ICE2: variants seen among roughly 807,000 people sequenced by gnomAD.
ICE2 encodes interactor of little elongation complex ELL subunit 2.
Under a neutral mutation model 105.4 loss-of-function variants are expected in ICE2, and 87 were observed. That is an observed-to-expected ratio of 0.83 (90% CI 0.69 to 0.99). The LOEUF (loss-of-function observed/expected upper bound fraction) is 0.99, where lower values mean the gene tolerates loss of function less well. Ranked by LOEUF, ICE2 falls within the 50% of genes least tolerant of loss-of-function variation. ICE2 has a pLI of 0.00. For missense variants in ICE2, 1,323 were observed against 1,146.7 expected, an observed-to-expected ratio of 1.15 and a Z score of -2.22; for synonymous variants, 399 against 392.0, an observed-to-expected ratio of 1.02 and a Z score of -0.21.
At chr15:60,462,773 T>C (rs974241825) in intron 5 of ICE2, among the ~76,000 whole-genome samples, 5 of 152,128 alleles carry the variant, frequency 3.3e-5, no homozygotes, top group Non-Finnish European at 7.4e-5. Context: ...ATGTCTGAGA[T>C]GTGGAGCAAC....
chr15:60,449,037 G>A lies in ICE2; in HGVS notation c.1930C>T (p.Pro644Ser). 1 of 1,613,090 alleles carries A rather than the reference G, an allele frequency of 6.2e-7. No homozygotes were observed. The highest frequency in any genetic ancestry group is 8.5e-7 in the Non-Finnish European group (1 of 1,179,636). Residue 644 changes from proline to serine, a missense_variant, in exon 10 of 16, where the codon CCA (proline) becomes TCA (serine). Transcript: ENST00000261520. ...PIKRVYKKFD[P>S]VGEILKMQDE... ...TGCATTTTTAAAATCTCTCCAACTG[G>A]ATCAAATTTTTTATATACTCGTTTG...
At chr15:60,426,783 C>G (rs1236077276) in intron 15 of ICE2, among the ~76,000 whole-genome samples, 1 of 152,172 alleles carries the variant, frequency 6.6e-6, no homozygotes, top group Non-Finnish European at 1.5e-5. Flanking sequence ...CACTCCCACA[C>G]AGAATTACAT....
At chr15:60,459,398 T>C (rs1162860291) in intron 5 of ICE2, among the ~76,000 whole-genome samples, 3 of 152,122 alleles carry the variant, frequency 2.0e-5, no homozygotes, top group African/African-American at 7.2e-5. Flanking sequence ...CTGCCAACTT[T>C]GAATTGCGTA....
At chr15:60,441,530 A>T (rs75163638) in intron 12 of ICE2, 1 of 152,182 alleles carries the variant, frequency 6.6e-6, no homozygotes, top group African/African-American at 2.4e-5. Flanking sequence ...TTTATTGTCT[A>T]ACAGGAAGAA....
intron 15 of ICE2, among the ~76,000 whole-genome samples, chr15:60,425,294 G>C (rs901379882): frequency 6.6e-6 from 1 of 152,076 alleles, no homozygotes; most frequent in African/African-American, 2.4e-5. Flanking sequence ...GCGACTTTTG[G>C]ATGATCTATA....
At chr15:60,425,364 G>C (rs1054196690) in intron 15 of ICE2, among the ~76,000 whole-genome samples, 4 of 152,160 alleles carry the variant, frequency 2.6e-5, no homozygotes, top group Admixed American at 6.5e-5. Context: ...AATTCTATCT[G>C]TTAAAATTTT....
intron 3 of ICE2, among the ~76,000 whole-genome samples, chr15:60,473,256 G>A (rs1421684534): frequency 6.6e-6 from 1 of 151,808 alleles, no homozygotes; most frequent in Non-Finnish European, 1.5e-5. Flanking sequence ...GATTATTTGT[G>A]TGTGTGTGTG....
At chr15:60,469,808 C>T (rs969783773) in intron 3 of ICE2, among the ~76,000 whole-genome samples, 17 of 152,164 alleles carry the variant, frequency 1.1e-4, no homozygotes, top group African/African-American at 3.9e-4. Context: ...TTCACAAATG[C>T]TACCCCTGCT....
rs201899350 is a variant in ICE2, at chr15:60,465,750, CTT to C, written c.528+842_528+843del. Among the ~76,000 whole-genome samples, 438 of 126,950 alleles carry C rather than the reference CTT, an allele frequency of 3.5e-3. 1 individual carries two copies. Among genetic ancestry groups the C allele is most frequent in the African/African-American group, 0.011 (379 of 34,396 alleles). The allele number at this position is 126,950 out of a possible 152,430, so 83.3% of individuals were successfully genotyped here. A position where few individuals can be genotyped will look rare whatever the true frequency, so the allele number is the denominator to read the frequency against. ...TATTATTTAAGTAGTATACTTTATT[CTT>C]TTTTTTTTTTTTTTTTGAGACAGGG... is the stretch of plus-strand genomic sequence containing the variant. On this transcript the variant is annotated intron_variant, in intron 5 of 15. Transcript: ENST00000261520.
intron 12 of ICE2, chr15:60,438,476 G>C (rs976519961): frequency 6.6e-6 from 1 of 152,016 alleles, no homozygotes; most frequent in African/African-American, 2.4e-5. Flanking sequence ...CTTATTATAT[G>C]TAACACTCAT....
intron 5 of ICE2, among the ~76,000 whole-genome samples, chr15:60,465,663 C>G (rs1347019863): frequency 6.7e-6 from 1 of 148,588 alleles, no homozygotes; most frequent in East Asian, 2.0e-4. Context: ...AAGGCTTAAA[C>G]AAATTTAGAC....
Position 60,449,744 on chromosome 15 carries a change from A to C in ICE2, c.1223T>G (p.Val408Gly). The change falls in exon 10 of 16, where the codon GTA (valine) becomes GGA (glycine). Residue 408 changes from valine (V) to glycine (G), a missense_variant. Val to Gly is a moderately radical substitution (Grantham distance 109). Coordinates refer to ENST00000261520, the MANE Select transcript of ICE2 (RefSeq NM_024611.6). ...DDVTELETFG[V>G]TTTKVSKSPS... ...TGATTTTGATACTTTGGTGGTGGTTACTCCAAAAGTTTCAAGTTCTGTGAC... is the reference window on the plus strand; with the variant it reads ...TGATTTTGATACTTTGGTGGTGGTTCCTCCAAAAGTTTCAAGTTCTGTGAC... The C allele has an allele frequency of 6.2e-7, 1 of 1,614,048 alleles. No homozygotes were observed. Among genetic ancestry groups the C allele is most frequent in the Non-Finnish European group, 8.5e-7 (1 of 1,180,000 alleles).
rs2063388848 is a variant in ICE2 at position 60,428,618 on chromosome 15, A to G, written c.2631T>C (p.Ser877=). The G allele has an allele frequency of 6.2e-7, 1 of 1,614,058 alleles. No homozygotes were observed. The highest frequency in any genetic ancestry group is 8.5e-7 in the Non-Finnish European group (1 of 1,180,018). ...EDSSLLIYKA[S]DGKVTRTAYN... is the part of the protein sequence containing the mutation. The stretch of plus-strand genomic sequence containing the variant: ...ATGCTGTCCTAGTAACTTTTCCATC[A>G]GAGGCCTTATAAATCAGGAGTGAAG... Residue 877 remains serine, a synonymous_variant, in exon 15 of 16, where the codon TCT becomes TCC. Transcript: ENST00000261520.
chr15:60,474,525 C>T (rs530083789), intron 3 of ICE2, among the ~76,000 whole-genome samples: 1 of 152,250 alleles, frequency 6.6e-6, no homozygotes, highest in East Asian at 1.9e-4. Context: ...GTAATCCCAG[C>T]AAGTGTAGTA....
intron 15 of ICE2, among the ~76,000 whole-genome samples, 172 bp downstream of exon 15, chr15:60,428,257 G>A (rs1282750097): frequency 2.0e-5 from 3 of 152,118 alleles, no homozygotes; most frequent in Non-Finnish European, 4.4e-5. Context: ...CCACTACCAC[G>A]AAGACTGGAC....
At chr15:60,468,389 T>C (rs1163589357) in intron 3 of ICE2, 67 bp from the exon 4 acceptor site, 11 of 1,235,744 alleles carry the variant, frequency 8.9e-6, no homozygotes, top group Middle Eastern at 4.2e-4. Context: ...TGGAACTTCA[T>C]GATTCTCAAT....
At chr15:60,436,584 G>A (rs182949290) in intron 12 of ICE2, among the ~76,000 whole-genome samples, 5 of 151,326 alleles carry the variant, frequency 3.3e-5, no homozygotes, top group South Asian at 4.2e-4. Context: ...GCGTAGTGGC[G>A]GGCGCCTGTA....
intron 15 of ICE2, among the ~76,000 whole-genome samples, chr15:60,424,358 AGAG>A (rs2063293410): frequency 7.6e-6 from 1 of 131,744 alleles, no homozygotes; most frequent in African/African-American, 2.8e-5. Context: ...AAGGGCTGAA[AGAG>A]GAGAGCAAGA....
Position 60,423,769 on chromosome 15 carries a change from G to C in ICE2, c.2821-7C>G, listed in dbSNP as rs756074421. On this transcript the variant is annotated splice_polypyrimidine_tract_variant and splice_region_variant and intron_variant, in intron 15 of 15. Coordinates refer to ENST00000261520, the MANE Select transcript of ICE2 (RefSeq NM_024611.6). ...GCATTCTCGTTCCACCAATCTAAGA[G>C]ATGAAGCAGAGAACAGAATAGCTTA... The C allele has an allele frequency of 1.9e-6, 3 of 1,577,576 alleles. No individual in the cohort carries two copies. Among genetic ancestry groups the C allele is most frequent in the Non-Finnish European group, 2.6e-6 (3 of 1,166,984 alleles).
Sources: allele counts gnomAD v4.1 joint callset (sites outside exome capture counted in the v4.1 genomes callset), GRCh38; gene constraint gnomAD v4.1.1; transcripts MANE v1.5; gene names NCBI Gene and HGNC (gene_info 2026-07-23, HGNC 2026-07-21).